The following SNX24 variants were observed in gnomAD, a reference collection of about 807,000 sequenced individuals.
SNX24 encodes sorting nexin-24.
Under a neutral mutation model 28.7 loss-of-function variants are expected in SNX24, and 22 were observed. The ratio of observed to expected loss-of-function variants is 0.77; its 90% confidence interval spans 0.55 to 1.10. The LOEUF (loss-of-function observed/expected upper bound fraction) is 1.10. Ranked by LOEUF, SNX24 falls within the 50% of genes least tolerant of loss-of-function variation. The pLI is 0.00. For synonymous variants in SNX24, 69 were observed against 71.5 expected, an observed-to-expected ratio of 0.96 and a Z score of 0.18; for missense variants, 221 against 201.1, an observed-to-expected ratio of 1.10 and a Z score of -0.60.
intron 3 of SNX24, among the ~76,000 whole-genome samples, chr5:122,978,412 A>G (rs541270377): frequency 6.6e-6 from 1 of 152,358 alleles, no homozygotes; most frequent in South Asian, 2.1e-4. Context: ...TTCACATGGC[A>G]GTGTATATTT....
intron 1 of SNX24, among the ~76,000 whole-genome samples, 189 bp downstream of exon 1, chr5:122,845,882 G>A (rs1183657697): frequency 4.0e-5 from 6 of 151,602 alleles, no homozygotes; most frequent in Non-Finnish European, 8.8e-5. Context: ...TCCCGGGCAC[G>A]GCGGCTGCGG....
intron 1 of SNX24, among the ~76,000 whole-genome samples, chr5:122,922,987 TC>T (rs1392325479): frequency 6.6e-6 from 1 of 152,138 alleles, no homozygotes; most frequent in African/African-American, 2.4e-5. Flanking sequence ...ACCATGCATA[TC>T]CTGGGAAAGT....
At chr5:123,024,537 C>A (rs568481084) in intron 5 of SNX24, among the ~76,000 whole-genome samples, 17 of 152,302 alleles carry the variant, frequency 1.1e-4, no homozygotes, top group East Asian at 7.7e-4. Flanking sequence ...CCCAGCCCCC[C>A]ACAGTGCTGT....
intron 3 of SNX24, among the ~76,000 whole-genome samples, chr5:122,997,364 T>C (rs533617522): frequency 3.0e-4 from 46 of 152,362 alleles, no homozygotes; most frequent in African/African-American, 1.1e-3. Flanking sequence ...AGTAAATTCA[T>C]GCAAATTTCT....
chr5:123,000,221 C>A (rs536982264), intron 4 of SNX24, among the ~76,000 whole-genome samples: 13 of 152,190 alleles, frequency 8.5e-5, no homozygotes, highest in African/African-American at 3.1e-4. Context: ...GGTTCGGTAA[C>A]CCATGTTTAG....
At chr5:122,948,328 C>G (rs1017931628) in intron 3 of SNX24, among the ~76,000 whole-genome samples, 1 of 152,234 alleles carries the variant, frequency 6.6e-6, no homozygotes, top group East Asian at 1.9e-4. Flanking sequence ...ATGCTCAGGA[C>G]CAGTCTGAAA....
At chr5:122,912,233 T>C (rs1175204805) in intron 1 of SNX24, among the ~76,000 whole-genome samples, 2 of 135,930 alleles carry the variant, frequency 1.5e-5, no homozygotes, top group Non-Finnish European at 3.1e-5. Context: ...TTTGAAGCAA[T>C]TGTGAATGGG....
chr5:122,985,063 C>T (rs181027372), intron 3 of SNX24, among the ~76,000 whole-genome samples: 16 of 152,260 alleles, frequency 1.1e-4, no homozygotes, highest in African/African-American at 2.4e-4. Context: ...TGATACAAAG[C>T]GAGAGCATTA....
At chr5:122,976,946 A>G (rs1156761525) in intron 3 of SNX24, among the ~76,000 whole-genome samples, 1 of 151,942 alleles carries the variant, frequency 6.6e-6, no homozygotes, top group East Asian at 1.9e-4. Context: ...TGTCTTTCAC[A>G]TTCTCTGATT....
At chr5:122,964,703 G>A (rs967531813) in intron 3 of SNX24, among the ~76,000 whole-genome samples, 5 of 151,838 alleles carry the variant, frequency 3.3e-5, no homozygotes, top group Non-Finnish European at 5.9e-5. Flanking sequence ...CCTATCATAC[G>A]GCTTCAACAA....
intron 1 of SNX24, among the ~76,000 whole-genome samples, chr5:122,933,481 C>T (rs571023067): frequency 1.3e-5 from 2 of 152,226 alleles, no homozygotes; most frequent in Non-Finnish European, 2.9e-5. Context: ...TGGGTGGGGT[C>T]CCCTTCCCTG....
Position 122,852,130 on chromosome 5 carries a change from A to ATC in SNX24, c.60+6438_60+6439insCT, listed in dbSNP as rs1245679141. Reference sequence around the variant, plus strand: ...CATATCTATCTATATCTATATCTATATATATATGTATATATTTCTTTTTTT... The same window carrying ATC: ...CATATCTATCTATATCTATATCTATATCTATATATGTATATATTTCTTTTTTT... On this transcript the variant is annotated intron_variant, in intron 1 of 6. Coordinates refer to ENST00000261369, the MANE Select transcript of SNX24 (RefSeq NM_014035.4). Among the ~76,000 whole-genome samples, 132 of 150,606 alleles carry ATC rather than the reference A, an allele frequency of 8.8e-4. 1 individual carries two copies. The highest frequency in any genetic ancestry group is 2.9e-3 in the African/African-American group (121 of 41,306).
chr5:122,935,259 A>G (rs994174777), intron 1 of SNX24, among the ~76,000 whole-genome samples: 1 of 152,166 alleles, frequency 6.6e-6, no homozygotes, highest in Non-Finnish European at 1.5e-5. Context: ...CAAACCCCCA[A>G]GTTAAAGCTG....
Position 123,008,890 on chromosome 5 carries a change from G to T in SNX24, c.*1141G>T. 2 of 984,134 alleles carry T rather than the reference G, an allele frequency of 2.0e-6. No individual in the cohort carries two copies. The highest frequency in any genetic ancestry group is 2.4e-6 in the Non-Finnish European group (2 of 828,438). 61.0% of individuals were successfully genotyped at this position (984,134 alleles called of 1,614,324 possible). On this transcript the variant is annotated 3_prime_UTR_variant, in exon 7 of 7. Transcript: ENST00000261369. ...TACCTATATGTATGTGCTGTATGTG[G>T]GCATTTCATTGAGATCTAATTAATA...
intron 3 of SNX24, among the ~76,000 whole-genome samples, chr5:122,991,097 A>G (rs1473462681): frequency 6.6e-6 from 1 of 152,126 alleles, no homozygotes; most frequent in African/African-American, 2.4e-5. Context: ...GAGTTTCACC[A>G]TGTTGACCAG....
chr5:122,859,763 A>G (rs997039699), intron 1 of SNX24, among the ~76,000 whole-genome samples: 1 of 152,338 alleles, frequency 6.6e-6, no homozygotes. Flanking sequence ...GCTTGGCTTT[A>G]TACATTTCAG....
chr5:123,003,994 T>C (rs1762334239), intron 6 of SNX24, among the ~76,000 whole-genome samples: 2 of 152,186 alleles, frequency 1.3e-5, no homozygotes, highest in Non-Finnish European at 2.9e-5. Context: ...CTTGCAAATC[T>C]TTAGCATTTA....
chr5:122,956,367 TACACAC>T lies in SNX24; in HGVS notation c.249+10242_249+10247del, dbSNP rs9327282. 1.4e-3 allele frequency among the ~76,000 whole-genome samples: 203 copies of T among 147,246 alleles called. 2 individuals carry two copies. The highest frequency in any genetic ancestry group is 4.2e-3 in the African/African-American group (169 of 40,334). On this transcript the variant is annotated intron_variant, in intron 3 of 6. Transcript: ENST00000261369. Reference sequence around the variant, plus strand: ...AAACACTTGGGAAAAAAAAAATATATACACACACACACACACACACACACACACACA... The same window carrying T: ...AAACACTTGGGAAAAAAAAAATATATACACACACACACACACACACACACA...
chr5:122,853,460 G>A (rs866495357), intron 1 of SNX24, among the ~76,000 whole-genome samples: 13 of 152,098 alleles, frequency 8.5e-5, no homozygotes, highest in Non-Finnish European at 1.6e-4. Flanking sequence ...AAGAAATACC[G>A]TTTGAAAACA....
Sources: allele counts gnomAD v4.1 joint callset (sites outside exome capture counted in the v4.1 genomes callset), GRCh38; gene constraint gnomAD v4.1.1; transcripts MANE v1.5; gene names NCBI Gene and HGNC (gene_info 2026-07-23, HGNC 2026-07-21).